The following RYR2 variants were observed in gnomAD, a reference collection of about 807,000 sequenced individuals.
RYR2 encodes the protein cardiac muscle ryanodine receptor-calcium release channel.
Under a neutral mutation model 601.1 loss-of-function variants are expected in RYR2, and 227 were observed. That is an observed-to-expected ratio of 0.38 (90% CI 0.34 to 0.42). RYR2 has a LOEUF of 0.42. Ranked by LOEUF, RYR2 falls within the 10% of genes least tolerant of loss-of-function variation. The probability of loss-of-function intolerance (pLI) is 1.00; values close to 1 mark genes in which losing one functional copy is unlikely to be tolerated. For missense variants in RYR2, 4,646 were observed against 6,156.5 expected, an observed-to-expected ratio of 0.75 and a Z score of 8.21; for synonymous variants, 2,223 against 2,175.1, an observed-to-expected ratio of 1.02 and a Z score of -0.61.
At chr1:237,481,801 C>T (rs1662124469) in intron 17 of RYR2, among the ~76,000 whole-genome samples, 1 of 115,132 alleles carries the variant, frequency 8.7e-6, no homozygotes, top group Non-Finnish European at 1.7e-5. Flanking sequence ...CTCACCATTG[C>T]TGTGTAGCAA....
At chr1:237,529,855 T>G (rs2779362) in intron 24 of RYR2, among the ~76,000 whole-genome samples, 119,685 of 151,116 alleles carry the variant, frequency 0.79, 47,516 homozygotes, top group East Asian at 0.9. Flanking sequence ...CGAAGAATTG[T>G]TAACAATTGA....
At chr1:237,797,780 A>T (rs932790279) in intron 96 of RYR2, among the ~76,000 whole-genome samples, 2 of 152,176 alleles carry the variant, frequency 1.3e-5, no homozygotes, top group Non-Finnish European at 2.9e-5. Context: ...ATTTCAGCTC[A>T]TCATCTTCTT....
chr1:237,560,556 T>G (rs1671349197), intron 27 of RYR2, among the ~76,000 whole-genome samples: 1 of 152,200 alleles, frequency 6.6e-6, no homozygotes, highest in South Asian at 2.1e-4. Flanking sequence ...GCTGTGGAAT[T>G]AGAGAGAGGG....
chr1:237,662,489 T>G (rs749998520), intron 56 of RYR2, among the ~76,000 whole-genome samples: 16 of 7,972 alleles, frequency 2.0e-3, no homozygotes, highest in Admixed American at 3.1e-3. Flanking sequence ...GAAAGGGATG[T>G]TTTTTTTTTT....
rs1248752684 is a variant in RYR2 at position 237,806,173 on chromosome 1, G to C, written c.14188G>C (p.Val4730Leu). The C allele has an allele frequency of 6.2e-7, 1 of 1,613,536 alleles. No homozygotes were observed. Among genetic ancestry groups the C allele is most frequent in the Admixed American group, 1.7e-5 (1 of 60,000 alleles). Reference sequence around the variant, plus strand: ...CCTAGCCTGGTATATGACTATGTCTGTTCTTGGACACTATAACAACTTTTT... The same window carrying C: ...CCTAGCCTGGTATATGACTATGTCTCTTCTTGGACACTATAACAACTTTTT... The part of the protein sequence containing the change: ...LYLAWYMTMS[V>L]LGHYNNFFFA... The change falls in exon 99 of 105, where the codon GTT (valine) becomes CTT (leucine). Residue 4730 changes from valine to leucine, a missense_variant. This residue lies in a region of RYR2 where 76 missense variants were observed against 97.4 expected (regional missense o/e 0.78). Coordinates refer to ENST00000366574, the MANE Select transcript of RYR2 (RefSeq NM_001035.3).
At chr1:237,149,870 C>T (rs1473015551) in intron 1 of RYR2, among the ~76,000 whole-genome samples, 2 of 152,230 alleles carry the variant, frequency 1.3e-5, no homozygotes, top group Non-Finnish European at 1.5e-5. Context: ...TGAGTATTTT[C>T]AAATACATGA....
At chr1:237,461,274 G>C (rs1334913414) in intron 16 of RYR2, among the ~76,000 whole-genome samples, 2 of 152,142 alleles carry the variant, frequency 1.3e-5, no homozygotes, top group African/African-American at 4.8e-5. Context: ...AGATCTCAAT[G>C]ACATTCATAT....
At position 237,432,876 on chromosome 1, in the gene RYR2, GT is replaced by G. The variant is rs533791336; in HGVS notation, c.1006-8430del. On this transcript the variant is annotated intron_variant, in intron 12 of 104. Transcript: ENST00000366574. ...TAGAATGCACAATACTCTTTTTGTT[GT>G]TTTTTTTTTTTTACCACTGTATTTT... 6.0e-3 allele frequency among the ~76,000 whole-genome samples: 818 copies of G among 136,354 alleles called. 3 individuals carry two copies. The highest frequency in any genetic ancestry group is 0.015 in the African/African-American group (556 of 37,792). The allele number at this position is 136,354 out of a possible 152,430, so 89.5% of individuals were successfully genotyped here.
intron 10 of RYR2, among the ~76,000 whole-genome samples, chr1:237,403,059 G>A (rs150549193): frequency 3.2e-4 from 48 of 152,312 alleles, no homozygotes; most frequent in African/African-American, 1.1e-3. Flanking sequence ...CAGCCAAGGA[G>A]AGAGGAAAGA....
At chr1:237,582,184 C>G (rs1230077967) in intron 29 of RYR2, among the ~76,000 whole-genome samples, 2 of 151,924 alleles carry the variant, frequency 1.3e-5, no homozygotes, top group African/African-American at 4.8e-5. Flanking sequence ...CTCACTGCAA[C>G]CTTCACCTCC....
chr1:237,493,498 G>A (rs924745112), intron 19 of RYR2, among the ~76,000 whole-genome samples: 1 of 151,894 alleles, frequency 6.6e-6, no homozygotes, highest in Non-Finnish European at 1.5e-5. Context: ...TGTCGCCCAG[G>A]CTGGAGTGCA....
At position 237,650,037 on chromosome 1, in the gene RYR2, G is replaced by T; in HGVS notation, c.7673G>T (p.Gly2558Val). The change falls in exon 50 of 105, where the codon GGC becomes GTC. Residue 2558 changes from glycine (G) to valine (V), a missense_variant. Around this residue, in one of 17 missense-constraint regions of RYR2, gnomAD observed 1,497 missense variants for 1,842.6 expected, o/e 0.81. Coordinates refer to ENST00000366574, the MANE Select transcript of RYR2 (RefSeq NM_001035.3). ...LLHTVYRLSK[G>V]CSLTKAQRDS... Reference sequence around the variant, plus strand: ...CATACTGTGTATAGACTTTCTAAGGGCTGTTCACTTACCAAAGCTCAGCGG... The same window carrying T: ...CATACTGTGTATAGACTTTCTAAGGTCTGTTCACTTACCAAAGCTCAGCGG... 2 of 1,613,990 alleles carry T rather than the reference G, an allele frequency of 1.2e-6. No individual in the cohort carries two copies. The highest frequency in any genetic ancestry group is 1.7e-6 in the Non-Finnish European group (2 of 1,179,884).
chr1:237,593,490 G>A lies in RYR2; in HGVS notation c.4290G>A (p.Val1430=). ...LMQTSTYYYS[V]RIFPGQEPAN... ...TATCTTCACAGTACTATTACTCAGT[G>A]AGAATCTTTCCTGGACAAGAACCTG... The change falls in exon 33 of 105, where the codon GTG becomes GTA. Residue 1430 remains valine (V), a synonymous_variant. Transcript: ENST00000366574. 1.9e-6 allele frequency: 3 copies of A among 1,612,960 alleles called. No individual in the cohort carries two copies. The highest frequency in any genetic ancestry group is 2.5e-6 in the Non-Finnish European group (3 of 1,179,556).
At chr1:237,229,848 A>G (rs560163273) in intron 1 of RYR2, among the ~76,000 whole-genome samples, 11 of 152,224 alleles carry the variant, frequency 7.2e-5, no homozygotes, top group Middle Eastern at 3.4e-3. Context: ...TAAACATAAG[A>G]TCTCCCACCA....
At chr1:237,119,677 A>G (rs1670560659) in intron 1 of RYR2, among the ~76,000 whole-genome samples, 1 of 152,184 alleles carries the variant, frequency 6.6e-6, no homozygotes, top group African/African-American at 2.4e-5. Flanking sequence ...CCTATCAAAT[A>G]TAAATGCAGA....
chr1:237,260,420 G>A (rs1044805920), intron 1 of RYR2, among the ~76,000 whole-genome samples: 11 of 152,184 alleles, frequency 7.2e-5, no homozygotes, highest in Admixed American at 1.3e-4. Context: ...GAAAATTCCC[G>A]AAGGTGATTC....
At chr1:237,752,595 GA>G (rs1456734741) in intron 80 of RYR2, among the ~76,000 whole-genome samples, 1 of 152,036 alleles carries the variant, frequency 6.6e-6, no homozygotes, top group African/African-American at 2.4e-5. Flanking sequence ...AAATACAACA[GA>G]AAAAAATAAT....
At chr1:237,473,454 T>TTTCTTTCTTTCTTTCTTTCTTTCTTTC (rs1478678920) in intron 17 of RYR2, among the ~76,000 whole-genome samples, 1 of 149,012 alleles carries the variant, frequency 6.7e-6, no homozygotes, top group African/African-American at 2.5e-5. Flanking sequence ...TCTTTCTTTC[T>TTTCTTTCTTTCTTTCTTTCTTTCTTTC]TTCTTTCTAT....
chr1:237,081,335 G>A (rs1166505862), intron 1 of RYR2, among the ~76,000 whole-genome samples: 8 of 146,016 alleles, frequency 5.5e-5, no homozygotes, highest in Admixed American at 6.9e-5. Flanking sequence ...CTACGGACTC[G>A]ATGTACCTAC....
Sources: allele counts gnomAD v4.1 joint callset (sites outside exome capture counted in the v4.1 genomes callset), GRCh38; gene constraint gnomAD v4.1.1; regional missense constraint gnomAD v4.1.1; transcripts MANE v1.5; gene names NCBI Gene and HGNC (gene_info 2026-07-23, HGNC 2026-07-21).